The following TMEM230 variants were observed in gnomAD, a reference collection of about 807,000 sequenced individuals.
TMEM230 encodes the protein transmembrane protein 230.
Under a neutral mutation model 15.8 loss-of-function variants are expected in TMEM230, and 10 were observed. The observed-to-expected ratio is 0.63, with a 90% CI of 0.39 to 1.07. The LOEUF is 1.07. TMEM230 is among the 50% of genes least tolerant of loss of function. TMEM230 has a pLI of 0.01. For missense variants in TMEM230, 165 were observed against 193.3 expected (o/e 0.85, Z 0.87); for synonymous variants, 67 against 76.9 (o/e 0.87, Z 0.68).
chr20:5,095,488 G>A (rs1358940950), downstream of TMEM230, among the ~76,000 whole-genome samples: 1 of 152,156 alleles, frequency 6.6e-6, no homozygotes, highest in Non-Finnish European at 1.5e-5. Context: ...TTCCTGCATT[G>A]TTTCTCTGCC....
chr20:5,090,736 CA>C (rs5840069), intron 3 of TMEM230, among the ~76,000 whole-genome samples: 71,717 of 151,722 alleles, frequency 0.47, 18,328 homozygotes, highest in East Asian at 0.84. Flanking sequence ...TTGATCCAAC[CA>C]AAATGACACA....
rs114629640 is a variant in TMEM230 at position 5,070,426 on chromosome 20, T to C, written c.223-1077A>G. Reference sequence around the variant, plus strand: ...AACCATAAGACACAAAAATCAATTGTCCAGTGATGAAGTGTTGGGGCCATT... The same window carrying C: ...AACCATAAGACACAAAAATCAATTGCCCAGTGATGAAGTGTTGGGGCCATT... On this transcript the variant is annotated intron_variant, in intron 3 of 3. Coordinates refer to the TMEM230 transcript ENST00000612323. 4.8e-3 allele frequency among the ~76,000 whole-genome samples: 734 copies of C among 152,236 alleles called. 7 individuals carry two copies. The highest frequency in any genetic ancestry group is 0.017 in the African/African-American group (694 of 41,548).
intron 3 of TMEM230, among the ~76,000 whole-genome samples, chr20:5,091,630 TTATTA>T (rs1342107017): frequency 6.6e-6 from 1 of 152,212 alleles, no homozygotes; most frequent in Non-Finnish European, 1.5e-5. Context: ...TTAATATTAC[TTATTA>T]TATTTGTTCA....
downstream of TMEM230, among the ~76,000 whole-genome samples, chr20:5,095,833 C>T (rs1156370794): frequency 6.6e-6 from 1 of 152,162 alleles, no homozygotes; most frequent in Non-Finnish European, 1.5e-5. Flanking sequence ...GGTCCACAGA[C>T]CAGACTGCAT....
chr20:5,106,450 C>A lies in TMEM230; in HGVS notation c.289-140G>T, dbSNP rs149828682. 476 of 1,073,894 alleles carry A rather than the reference C, an allele frequency of 4.4e-4. 1 individual carries two copies. In the African/African-American group the frequency reaches 6.2e-3, roughly 14 times the overall value. The allele number at this position is 1,073,894 out of a possible 1,614,324, so 66.5% of individuals were successfully genotyped here. ...TGGAGTTTCGTTCTTGTTGCCCAGG[C>A]TAGAGAGCAATGGCGTGATCTTGGC... On this transcript the variant is annotated intron_variant, in intron 3 of 4. Transcript: ENST00000342308.
chr20:5,106,919 G>GT (rs1335318011), intron 3 of TMEM230, among the ~76,000 whole-genome samples: 3 of 152,096 alleles, frequency 2.0e-5, no homozygotes, highest in South Asian at 2.1e-4. Flanking sequence ...GTTGCCCAGG[G>GT]TGGTCTCCAA....
chr20:5,068,058 G>A (rs879156), downstream of TMEM230: 2 of 152,040 alleles, frequency 1.3e-5, no homozygotes, highest in Non-Finnish European at 2.9e-5. Flanking sequence ...GAGTCACTGC[G>A]CTCAGCCTCA....
intron 3 of TMEM230, among the ~76,000 whole-genome samples, chr20:5,078,495 G>T (rs1298060866): frequency 6.6e-6 from 1 of 152,116 alleles, no homozygotes; most frequent in Non-Finnish European, 1.5e-5. Flanking sequence ...GGTAGGCTGG[G>T]ATATGCTGCA....
At chr20:5,099,220 AAATAAATAAATAAATCAATCAATC>A (rs1449220297), downstream of TMEM230, among the ~76,000 whole-genome samples, 928 of 105,458 alleles carry the variant, frequency 8.8e-3, 4 homozygotes, top group African/African-American at 0.031. Flanking sequence ...ATAAATAAAT[AAATAAATAAATAAATCAATCAATC>A]AATAATAAAT....
intron 3 of TMEM230, among the ~76,000 whole-genome samples, chr20:5,085,466 T>G (rs1031603931): frequency 6.6e-6 from 1 of 152,126 alleles, no homozygotes; most frequent in African/African-American, 2.4e-5. Flanking sequence ...TTTTTGTATG[T>G]TTAGTAGAGA....
chr20:5,083,596 TTATTA>T (rs2089246932), intron 3 of TMEM230, among the ~76,000 whole-genome samples: 1 of 151,104 alleles, frequency 6.6e-6, no homozygotes, highest in African/African-American at 2.5e-5. Flanking sequence ...TGGTTTTATC[TTATTA>T]TAATTTATTT....
At chr20:5,073,577 T>C (rs1211925611) in intron 3 of TMEM230, among the ~76,000 whole-genome samples, 2 of 152,168 alleles carry the variant, frequency 1.3e-5, no homozygotes, top group African/African-American at 2.4e-5. Context: ...AGAGCAGTGA[T>C]GTGAGGTGCC....
intron 3 of TMEM230, among the ~76,000 whole-genome samples, chr20:5,084,084 T>C (rs1306543466): frequency 1.3e-5 from 2 of 152,192 alleles, no homozygotes; most frequent in African/African-American, 4.8e-5. Context: ...GTTTAGCTCC[T>C]GCTTGTAATA....
chr20:5,069,556 T>C (rs1038956484), intron 3 of TMEM230, among the ~76,000 whole-genome samples: 1 of 152,212 alleles, frequency 6.6e-6, no homozygotes, highest in East Asian at 1.9e-4. Context: ...CAAGGGAAAC[T>C]ACCTCTGAAG....
At chr20:5,094,428 G>A (rs1014139146) in intron 3 of TMEM230, among the ~76,000 whole-genome samples, 1 of 151,456 alleles carries the variant, frequency 6.6e-6, no homozygotes, top group Non-Finnish European at 1.5e-5. Context: ...AAAATTTTTG[G>A]CCAGGCATGG....
the TMEM230 span, among the ~76,000 whole-genome samples, chr20:5,061,746 C>T: frequency 6.6e-6 from 1 of 151,966 alleles, no homozygotes; most frequent in African/African-American, 2.4e-5. Context: ...AGCAAAGGAC[C>T]AATTTCAACA....
intron 3 of TMEM230, among the ~76,000 whole-genome samples, chr20:5,086,083 TAG>T (rs1216312831): frequency 6.4e-4 from 98 of 152,224 alleles, no homozygotes; most frequent in African/African-American, 2.4e-3. Flanking sequence ...GTATGTATTA[TAG>T]TTCACAATGA....
chr20:5,100,275 T>C lies in TMEM230; in HGVS notation c.*516A>G. 2 of 985,330 alleles carry C rather than the reference T, an allele frequency of 2.0e-6. No homozygotes were observed. The highest frequency in any genetic ancestry group is 1.1e-4 in the East Asian group (1 of 8,810). The allele number at this position is 985,330 out of a possible 1,614,324, so 61.0% of individuals were successfully genotyped here. On this transcript the variant is annotated 3_prime_UTR_variant, in exon 5 of 5. Coordinates refer to ENST00000342308, the MANE Select transcript of TMEM230 (RefSeq NM_001009923.2). The stretch of plus-strand genomic sequence containing the variant: ...TAAAAAAATTCCTGGTTGCTGTCAG[T>C]AAGAAAGCAAGTAAAAAAAATATTA...
rs2122714498 is a variant in TMEM230, at chr20:5,100,696, C to G, written c.*95G>C. On this transcript the variant is annotated 3_prime_UTR_variant, in exon 5 of 5. Coordinates refer to ENST00000342308, the MANE Select transcript of TMEM230 (RefSeq NM_001009923.2). ...CATTATTTTCTTAAACATCTGCAAG[C>G]TGCAGAATTCCTTAGTCCTCAGCTA... 6.6e-7 allele frequency: 1 copy of G among 1,516,304 alleles called. No individual in the cohort carries two copies. Among genetic ancestry groups the G allele is most frequent in the East Asian group, 2.3e-5 (1 of 42,786 alleles). The allele number at this position is 1,516,304 out of a possible 1,614,324, so 93.9% of individuals were successfully genotyped here.
Sources: allele counts gnomAD v4.1 joint callset (sites outside exome capture counted in the v4.1 genomes callset), GRCh38; gene constraint gnomAD v4.1.1; transcripts MANE v1.5; gene names NCBI Gene and HGNC (gene_info 2026-07-23, HGNC 2026-07-21).